The following DPP10 variants were observed in gnomAD, a reference collection of about 807,000 sequenced individuals.
The protein encoded by DPP10 is dipeptidyl peptidase like 10, also known as inactive dipeptidyl peptidase 10.
A neutral mutation model predicts 120.9 loss-of-function variants in DPP10; 33 were observed. The observed-to-expected ratio is 0.27, with a 90% CI of 0.21 to 0.37. The LOEUF is 0.37. Among genes scored for constraint, DPP10 ranks in the 10% least tolerant of loss-of-function variants. The pLI is 1.00. For missense variants in DPP10, 816 were observed against 942.8 expected (o/e 0.87, Z 1.76); for synonymous variants, 337 against 326.1 (o/e 1.03, Z -0.36).
intron 5 of DPP10, among the ~76,000 whole-genome samples, chr2:115,575,207 G>C (rs1233790429): frequency 6.6e-6 from 1 of 152,138 alleles, no homozygotes; most frequent in African/African-American, 2.4e-5. Flanking sequence ...GTCACCTCAG[G>C]CATCAAACTG....
chr2:114,661,333 T>A (rs951465424), intron 1 of DPP10, among the ~76,000 whole-genome samples: 1 of 152,222 alleles, frequency 6.6e-6, no homozygotes, highest in African/African-American at 2.4e-5. Flanking sequence ...TAAGTTTCTC[T>A]TAGCAAATTT....
At chr2:114,840,282 A>C (rs950315516) in intron 1 of DPP10, among the ~76,000 whole-genome samples, 4 of 152,184 alleles carry the variant, frequency 2.6e-5, no homozygotes, top group African/African-American at 9.7e-5. Flanking sequence ...GTTTGAAAGG[A>C]AGAAGGAGTA....
At chr2:115,591,749 A>G (rs1189115348) in intron 5 of DPP10, among the ~76,000 whole-genome samples, 1 of 152,126 alleles carries the variant, frequency 6.6e-6, no homozygotes, top group Non-Finnish European at 1.5e-5. Flanking sequence ...CTTGGGCAGT[A>G]TGGCCATTTT....
intron 1 of DPP10, among the ~76,000 whole-genome samples, chr2:115,181,772 C>T (rs1018236265): frequency 1.3e-5 from 2 of 152,298 alleles, no homozygotes; most frequent in Admixed American, 6.5e-5. Context: ...GCAGTCATCT[C>T]GGATCCACCA....
chr2:114,545,872 TA>T, intron 1 of DPP10, among the ~76,000 whole-genome samples: 1 of 152,342 alleles, frequency 6.6e-6, no homozygotes, highest in South Asian at 2.1e-4. Flanking sequence ...GTTACTCATG[TA>T]AAACTCTCAA....
In DPP10 at chr2:115,562,939, C is replaced by T. The variant is rs192725386; in HGVS notation, c.441+36967C>T. Reference sequence around the variant, plus strand: ...TCAGAGATTAGGTAATAATATCTTCCCGGTCAGGAAAGTTTGAAGCCAGTT... The same window carrying T: ...TCAGAGATTAGGTAATAATATCTTCTCGGTCAGGAAAGTTTGAAGCCAGTT... On this transcript the variant is annotated intron_variant, in intron 5 of 25. Transcript: ENST00000410059. Among the ~76,000 whole-genome samples the T allele has an allele frequency of 1.9e-3, 283 of 152,220 alleles. 1 individual carries two copies. Among genetic ancestry groups the T allele is most frequent in the Admixed American group, 3.6e-3 (55 of 15,288 alleles).
chr2:115,153,894 T>C (rs1033503008), intron 1 of DPP10, among the ~76,000 whole-genome samples: 1 of 152,208 alleles, frequency 6.6e-6, no homozygotes, highest in African/African-American at 2.4e-5. Flanking sequence ...TTGCTTTCTA[T>C]AACATTCTGT....
intron 1 of DPP10, among the ~76,000 whole-genome samples, chr2:114,610,394 A>G (rs1693189560): frequency 6.6e-6 from 1 of 152,098 alleles, no homozygotes; most frequent in Non-Finnish European, 1.5e-5. Flanking sequence ...TTCACTGGGG[A>G]TCTGATGGGA....
intron 1 of DPP10, among the ~76,000 whole-genome samples, chr2:115,149,431 T>A (rs1000269465): frequency 2.4e-4 from 37 of 152,170 alleles, no homozygotes. Flanking sequence ...AATAAATTGG[T>A]TCCCTATCAT....
At chr2:115,163,432 G>C (rs542659176) in intron 1 of DPP10, among the ~76,000 whole-genome samples, 4 of 152,304 alleles carry the variant, frequency 2.6e-5, no homozygotes, top group Non-Finnish European at 5.9e-5. Context: ...GTGGGAGGGG[G>C]TTGAATGTTG....
intron 1 of DPP10, among the ~76,000 whole-genome samples, chr2:115,061,740 G>T (rs1706421193): frequency 6.6e-6 from 1 of 152,092 alleles, no homozygotes; most frequent in Non-Finnish European, 1.5e-5. Context: ...ATTTGAGGCA[G>T]GTAATCAGCT....
chr2:115,305,520 G>A (rs576205212), intron 1 of DPP10, among the ~76,000 whole-genome samples: 1 of 152,004 alleles, frequency 6.6e-6, no homozygotes, highest in East Asian at 1.9e-4. Context: ...ATTGCTTGAG[G>A]CCAGGAGTTT....
At chr2:115,660,773 G>T (rs2088894383) in intron 5 of DPP10, among the ~76,000 whole-genome samples, 1 of 148,074 alleles carries the variant, frequency 6.8e-6, no homozygotes, top group South Asian at 2.2e-4. Context: ...TTTATACTTG[G>T]AAATAACAAA....
rs141298417 is a variant in DPP10 at position 114,915,497 on chromosome 2, C to T, written c.61-393742C>T. 4.5e-3 allele frequency among the ~76,000 whole-genome samples: 690 copies of T among 152,280 alleles called. 1 individual carries two copies. The highest frequency in any genetic ancestry group is 0.014 in the Middle Eastern group (4 of 294). ...CAATGCAACACTTCACAACATGGAA[C>T]TAACAGACATCTACAGAACAATCCA... On this transcript the variant is annotated intron_variant, in intron 1 of 25. Transcript: ENST00000410059.
intron 19 of DPP10, among the ~76,000 whole-genome samples, chr2:115,801,099 C>CT (rs1281339438): frequency 2.0e-5 from 3 of 152,166 alleles, no homozygotes; most frequent in African/African-American, 7.2e-5. Flanking sequence ...TTTGTATCCT[C>CT]TTTTATTTCC....
At chr2:115,438,298 G>A (rs971571195) in intron 3 of DPP10, among the ~76,000 whole-genome samples, 1 of 152,146 alleles carries the variant, frequency 6.6e-6, no homozygotes, top group Non-Finnish European at 1.5e-5. Context: ...GTGCATTGCT[G>A]CTGCGGAAGA....
chr2:115,837,769 C>G (rs1689681978), intron 24 of DPP10, among the ~76,000 whole-genome samples: 1 of 151,754 alleles, frequency 6.6e-6, no homozygotes, highest in Non-Finnish European at 1.5e-5. Flanking sequence ...ATGAGAAAAC[C>G]ATCAGGCAGA....
chr2:115,390,108 T>C (rs2067223568), intron 3 of DPP10, among the ~76,000 whole-genome samples: 1 of 152,222 alleles, frequency 6.6e-6, no homozygotes, highest in Non-Finnish European at 1.5e-5. Context: ...TCAGCTCTTA[T>C]TACAGTGACT....
chr2:115,676,785 A>C (rs2090299511), intron 5 of DPP10, among the ~76,000 whole-genome samples: 1 of 152,232 alleles, frequency 6.6e-6, no homozygotes, highest in African/African-American at 2.4e-5. Flanking sequence ...TTAATGATGT[A>C]ATAGCTGAAA....
Sources: gnomAD v4.1 joint callset for allele counts (sites outside exome capture counted in the v4.1 genomes callset) on GRCh38, gnomAD v4.1.1 for gene constraint, MANE v1.5 for transcripts, NCBI Gene and HGNC (gene_info 2026-07-23, HGNC 2026-07-21) for gene names.